FAM168A: variants seen among roughly 807,000 people sequenced by gnomAD.
The protein encoded by FAM168A is protein FAM168A.
A neutral mutation model predicts 28.5 loss-of-function variants in FAM168A; 3 were observed. The observed-to-expected ratio is 0.11, with a 90% CI of 0.05 to 0.27. The LOEUF is 0.27. Among genes scored for constraint, FAM168A ranks in the 10% least tolerant of loss-of-function variants. The pLI, the probability that FAM168A is intolerant of heterozygous loss-of-function variation, is 1.00. For synonymous variants in FAM168A, 122 were observed against 124.2 expected, an observed-to-expected ratio of 0.98 and a Z score of 0.12; for missense variants, 222 against 311.5, an observed-to-expected ratio of 0.71 and a Z score of 2.16.
intron 1 of FAM168A, among the ~76,000 whole-genome samples, chr11:73,561,878 G>A (rs573297685): frequency 4.6e-5 from 7 of 152,074 alleles, no homozygotes; most frequent in Admixed American, 3.3e-4. Flanking sequence ...TATCCCATAC[G>A]ATTCTTGATC....
Position 73,469,099 on chromosome 11 carries a change from G to A in FAM168A, c.-18-607C>T, listed in dbSNP as rs560097999. On this transcript the variant is annotated intron_variant, in intron 1 of 7. Coordinates refer to ENST00000356467, the MANE Select transcript of FAM168A (RefSeq NM_015159.3). Reference sequence around the variant, plus strand: ...CACTGATAATTTTAATGCAAACAAGGAAATATGGCTAGGATTTCTCTCCAA... The same window carrying A: ...CACTGATAATTTTAATGCAAACAAGAAAATATGGCTAGGATTTCTCTCCAA... Among the ~76,000 whole-genome samples, 362 of 152,284 alleles carry A rather than the reference G, an allele frequency of 2.4e-3. 1 individual carries two copies. Among genetic ancestry groups the A allele is most frequent in the Non-Finnish European group, 4.0e-3 (273 of 68,010 alleles).
chr11:73,485,820 A>G (rs1409058713), intron 1 of FAM168A, among the ~76,000 whole-genome samples: 1 of 151,688 alleles, frequency 6.6e-6, no homozygotes, highest in Admixed American at 6.6e-5. Context: ...AGTCAGCAGC[A>G]AAGTCAGTAG....
chr11:73,417,582 C>T lies in FAM168A; in HGVS notation c.277+2292G>A, dbSNP rs1273422513. Among the ~76,000 whole-genome samples the T allele has an allele frequency of 4.6e-5, 6 of 130,056 alleles. 1 individual carries two copies. Among genetic ancestry groups the T allele is most frequent in the Admixed American group, 1.7e-4 (2 of 12,106 alleles). 85.3% of individuals were successfully genotyped at this position (130,056 alleles called of 152,430 possible). On this transcript the variant is annotated intron_variant, in intron 4 of 7. Coordinates refer to ENST00000356467, the MANE Select transcript of FAM168A (RefSeq NM_015159.3). ...CTCTTTTTTTTTTTTTTTTTTGAGA[C>T]GGAGTCTCACTCTGTTGCCCAGGCT... is the stretch of plus-strand genomic sequence containing the variant.
intron 1 of FAM168A, among the ~76,000 whole-genome samples, chr11:73,581,172 A>G (rs1235699603): frequency 6.6e-6 from 1 of 152,238 alleles, no homozygotes; most frequent in East Asian, 1.9e-4. Context: ...TGAAGACTTC[A>G]TTGGGTTTTA....
intron 1 of FAM168A, among the ~76,000 whole-genome samples, chr11:73,481,497 C>T (rs1867967190): frequency 6.6e-6 from 1 of 152,184 alleles, no homozygotes; most frequent in South Asian, 2.1e-4. Flanking sequence ...GACAGACTTT[C>T]TATAACACCC....
chr11:73,590,746 G>A (rs1944371131), intron 1 of FAM168A, among the ~76,000 whole-genome samples: 1 of 151,740 alleles, frequency 6.6e-6, no homozygotes, highest in African/African-American at 2.4e-5. Context: ...CAGAAGTTTT[G>A]TTAACACTGG....
At chr11:73,593,315 T>C (rs1221681487) in intron 1 of FAM168A, among the ~76,000 whole-genome samples, 1 of 152,150 alleles carries the variant, frequency 6.6e-6, no homozygotes, top group Non-Finnish European at 1.5e-5. Context: ...AAGTTGTGGG[T>C]TTATGTTAAA....
chr11:73,495,498 G>C (rs184184269), intron 1 of FAM168A, among the ~76,000 whole-genome samples: 1 of 152,100 alleles, frequency 6.6e-6, no homozygotes, highest in Non-Finnish European at 1.5e-5. Flanking sequence ...AAATCACTGG[G>C]GTGCTCTTCC....
At chr11:73,487,049 T>C (rs986864927) in intron 1 of FAM168A, among the ~76,000 whole-genome samples, 1 of 152,222 alleles carries the variant, frequency 6.6e-6, no homozygotes, top group South Asian at 2.1e-4. Flanking sequence ...ATGATCTTAC[T>C]AAAAACAAAC....
At chr11:73,544,761 TTATA>T (rs1387124380) in intron 1 of FAM168A, among the ~76,000 whole-genome samples, 1 of 109,894 alleles carries the variant, frequency 9.1e-6, no homozygotes, top group African/African-American at 3.9e-5. Context: ...TTATATGTAA[TTATA>T]TATAATTATA....
chr11:73,496,559 G>GTTT (rs1854880352), intron 1 of FAM168A, among the ~76,000 whole-genome samples: 1 of 151,854 alleles, frequency 6.6e-6, no homozygotes, highest in African/African-American at 2.4e-5. Flanking sequence ...TTGTTTGTTT[G>GTTT]GTTGGTTGGT....
chr11:73,494,358 A>G (rs1854826118), intron 1 of FAM168A, among the ~76,000 whole-genome samples: 1 of 152,172 alleles, frequency 6.6e-6, no homozygotes, highest in South Asian at 2.1e-4. Context: ...CTTCTACTCA[A>G]AGGACAAGAG....
chr11:73,418,081 A>G (rs1866726732), intron 4 of FAM168A, among the ~76,000 whole-genome samples: 1 of 152,230 alleles, frequency 6.6e-6, no homozygotes. Flanking sequence ...TTATGAGACT[A>G]TATTTTACAA....
At chr11:73,515,897 T>C (rs900447883) in intron 1 of FAM168A, among the ~76,000 whole-genome samples, 2 of 151,856 alleles carry the variant, frequency 1.3e-5, no homozygotes, top group Non-Finnish European at 2.9e-5. Context: ...GGTCAGGAGA[T>C]CGAGACCATC....
chr11:73,465,311 T>C (rs536939277), intron 2 of FAM168A, among the ~76,000 whole-genome samples: 15 of 150,222 alleles, frequency 1.0e-4, no homozygotes, highest in African/African-American at 3.4e-4. Context: ...AAAGAAAAGA[T>C]GAGAAGAATG....
intron 1 of FAM168A, among the ~76,000 whole-genome samples, chr11:73,504,380 C>T (rs1254296554): frequency 6.6e-6 from 1 of 151,990 alleles, no homozygotes; most frequent in Non-Finnish European, 1.5e-5. Flanking sequence ...AAGACATTTA[C>T]GTGGCCAACA....
chr11:73,419,457 G>T (rs1379731509), intron 4 of FAM168A, among the ~76,000 whole-genome samples: 2 of 152,178 alleles, frequency 1.3e-5, no homozygotes, highest in Non-Finnish European at 2.9e-5. Flanking sequence ...TAATGCACAG[G>T]ACAGCGCCCC....
chr11:73,550,813 A>G (rs1310867899), intron 1 of FAM168A, among the ~76,000 whole-genome samples: 1 of 151,900 alleles, frequency 6.6e-6, no homozygotes, highest in East Asian at 1.9e-4. Context: ...CATATGAAAA[A>G]AAAAGGAGAA....
intron 1 of FAM168A, chr11:73,510,927 G>A (rs1317055272): frequency 8.0e-6 from 2 of 249,168 alleles, no homozygotes; most frequent in African/African-American, 4.5e-5. Flanking sequence ...AAAAGTTGAA[G>A]CCAGATGATG....
Sources: gnomAD v4.1 joint callset for allele counts (sites outside exome capture counted in the v4.1 genomes callset) on GRCh38, gnomAD v4.1.1 for gene constraint, MANE v1.5 for transcripts, NCBI Gene and HGNC (gene_info 2026-07-23, HGNC 2026-07-21) for gene names.